Variants in EYS observed in about 807,000 individuals in gnomAD.
The protein encoded by EYS is protein eyes shut homolog.
A neutral mutation model predicts 282.1 loss-of-function variants in EYS; 250 were observed. That is an observed-to-expected ratio of 0.89 (90% CI 0.80 to 0.98). The LOEUF (loss-of-function observed/expected upper bound fraction) is 0.98, where lower values mean the gene tolerates loss of function less well. EYS is among the 50% of genes least tolerant of loss of function. The pLI, the probability that EYS is intolerant of heterozygous loss-of-function variation, is 0.00. For synonymous variants in EYS, 1,355 were observed against 1,282.9 expected, an observed-to-expected ratio of 1.06 and a Z score of -1.20; for missense variants, 4,016 against 3,709.0, an observed-to-expected ratio of 1.08 and a Z score of -2.15.
At chr6:65,491,205 C>T (rs1477060071) in intron 4 of EYS, among the ~76,000 whole-genome samples, 2 of 151,764 alleles carry the variant, frequency 1.3e-5, no homozygotes, top group Non-Finnish European at 2.9e-5. Context: ...TTTGCACTTG[C>T]TGGCATATCA....
chr6:64,933,443 CA>C (rs1768795804), intron 15 of EYS, among the ~76,000 whole-genome samples: 1 of 152,142 alleles, frequency 6.6e-6, no homozygotes, highest in Admixed American at 6.6e-5. Context: ...GATACCATTT[CA>C]CGCCAGTTAG....
chr6:64,973,738 A>G lies in EYS; in HGVS notation c.2259+23844T>C, dbSNP rs552637185. On this transcript the variant is annotated intron_variant, in intron 14 of 42. Transcript: ENST00000503581. Reference sequence around the variant, plus strand: ...AAAGACTCAAAGTGTAAACTGCAGTATAATTGTGGAAACCAAATAATGGAA... The same window carrying G: ...AAAGACTCAAAGTGTAAACTGCAGTGTAATTGTGGAAACCAAATAATGGAA... 1.7e-4 allele frequency among the ~76,000 whole-genome samples: 26 copies of G among 152,134 alleles called. 1 individual carries two copies. The highest frequency in any genetic ancestry group is 6.3e-4 in the African/African-American group (26 of 41,576).
At chr6:65,673,685 C>T (rs1469058918) in intron 1 of EYS, among the ~76,000 whole-genome samples, 1 of 151,926 alleles carries the variant, frequency 6.6e-6, no homozygotes, top group African/African-American at 2.4e-5. Context: ...CCACTGAATA[C>T]CAAGAGCCTG....
chr6:63,957,574 C>T (rs1765879212), intron 35 of EYS, among the ~76,000 whole-genome samples: 2 of 141,224 alleles, frequency 1.4e-5, no homozygotes, highest in South Asian at 4.6e-4. Context: ...AGCTTGCCTG[C>T]TATGCTGAAA....
intron 28 of EYS, among the ~76,000 whole-genome samples, chr6:64,433,637 T>C (rs1242868346): frequency 6.6e-6 from 1 of 152,014 alleles, no homozygotes; most frequent in Non-Finnish European, 1.5e-5. Flanking sequence ...TGTATGTAAA[T>C]TGAAACAAAA....
In EYS at chr6:64,086,131, T is replaced by A. The variant is rs143095330; in HGVS notation, c.6425-4129A>T. Among the ~76,000 whole-genome samples the A allele has an allele frequency of 2.6e-5, 4 of 152,320 alleles. No homozygotes were observed. The East Asian group carries it at 7.7e-4, about 29-fold the overall frequency. ...TCTAATCATTTCTGACTTTTCTACATCTGCTGCTCCTTCAGTTTCTAACTC... is the reference window on the plus strand; with the variant it reads ...TCTAATCATTTCTGACTTTTCTACAACTGCTGCTCCTTCAGTTTCTAACTC... On this transcript the variant is annotated intron_variant, in intron 31 of 42. Transcript: ENST00000503581.
At chr6:65,223,587 G>A (rs566197238) in intron 12 of EYS, among the ~76,000 whole-genome samples, 1 of 152,124 alleles carries the variant, frequency 6.6e-6, no homozygotes, top group Non-Finnish European at 1.5e-5. Flanking sequence ...ATGTTTGGTG[G>A]GTTGCTGAGG....
At chr6:64,536,614 A>T (rs1176494329) in intron 26 of EYS, among the ~76,000 whole-genome samples, 1 of 152,070 alleles carries the variant, frequency 6.6e-6, no homozygotes, top group Non-Finnish European at 1.5e-5. Flanking sequence ...TCTCCCCAAA[A>T]TTTGGGTAAT....
intron 29 of EYS, among the ~76,000 whole-genome samples, chr6:64,337,313 A>G (rs1770890307): frequency 6.6e-6 from 1 of 152,074 alleles, no homozygotes; most frequent in African/African-American, 2.4e-5. Flanking sequence ...AACAGACACC[A>G]CTGAAATACA....
intron 22 of EYS, among the ~76,000 whole-genome samples, chr6:64,694,662 GTGA>G (rs1222703688): frequency 3.3e-5 from 5 of 152,174 alleles, no homozygotes; most frequent in African/African-American, 1.2e-4. Flanking sequence ...ATGGGAATTT[GTGA>G]TGTAGTCTCA....
chr6:64,052,366 G>T (rs1165525659), intron 33 of EYS, among the ~76,000 whole-genome samples: 1 of 152,072 alleles, frequency 6.6e-6, no homozygotes, highest in Non-Finnish European at 1.5e-5. Context: ...TCTTGGTTGA[G>T]AAAAATCTGA....
intron 11 of EYS, chr6:65,332,158 G>T: frequency 2.1e-6 from 1 of 481,402 alleles, no homozygotes; most frequent in Non-Finnish European, 3.7e-6. Flanking sequence ...ATCAGATTGT[G>T]GAAGTTCCCT....
At chr6:65,429,239 C>T (rs938904510) in intron 5 of EYS, among the ~76,000 whole-genome samples, 2 of 151,826 alleles carry the variant, frequency 1.3e-5, no homozygotes, top group African/African-American at 4.8e-5. Flanking sequence ...AGAGAAATTA[C>T]CAGGGGCCAG....
intron 31 of EYS, among the ~76,000 whole-genome samples, chr6:64,161,520 G>A (rs1775106031): frequency 6.6e-6 from 1 of 152,156 alleles, no homozygotes; most frequent in Non-Finnish European, 1.5e-5. Flanking sequence ...ATTATTTCTT[G>A]TGGGAAGTAA....
chr6:64,894,745 A>G (rs913576058), intron 18 of EYS, among the ~76,000 whole-genome samples: 1 of 152,112 alleles, frequency 6.6e-6, no homozygotes, highest in Non-Finnish European at 1.5e-5. Context: ...ATATTCAGAC[A>G]TTTTAGGAGT....
At chr6:64,906,813 G>A (rs1277150547) in intron 16 of EYS, among the ~76,000 whole-genome samples, 1 of 152,088 alleles carries the variant, frequency 6.6e-6, no homozygotes, top group Non-Finnish European at 1.5e-5. Context: ...ATTTGATAGG[G>A]TAATTTTTTG....
intron 21 of EYS, among the ~76,000 whole-genome samples, chr6:64,821,130 A>G (rs991237362): frequency 1.3e-5 from 2 of 152,020 alleles, no homozygotes; most frequent in African/African-American, 2.4e-5. Context: ...ATAAAATACC[A>G]TATGTCAATC....
At chr6:65,260,858 T>G (rs546176683) in intron 12 of EYS, among the ~76,000 whole-genome samples, 1 of 152,194 alleles carries the variant, frequency 6.6e-6, no homozygotes, top group Non-Finnish European at 1.5e-5. Context: ...CTATAAGAAC[T>G]TATTAGAAAG....
intron 4 of EYS, among the ~76,000 whole-genome samples, chr6:65,493,841 C>T (rs1349582987): frequency 1.3e-5 from 2 of 152,142 alleles, no homozygotes; most frequent in African/African-American, 4.8e-5. Context: ...CATTTGGATG[C>T]CACACCAACA....
Sources: allele counts gnomAD v4.1 joint callset (sites outside exome capture counted in the v4.1 genomes callset), GRCh38; gene constraint gnomAD v4.1.1; transcripts MANE v1.5; gene names NCBI Gene and HGNC (gene_info 2026-07-23, HGNC 2026-07-21).